CSMD1: variants seen among roughly 807,000 people sequenced by gnomAD.
CSMD1 encodes the protein CUB and sushi domain-containing protein 1.
CSMD1 carries 213 observed loss-of-function variants against 417.5 expected under a neutral mutation model. That is an observed-to-expected ratio of 0.51 (90% CI 0.46 to 0.57). The LOEUF (loss-of-function observed/expected upper bound fraction) is 0.57, where lower values mean the gene tolerates loss of function less well. Among genes scored for constraint, CSMD1 ranks in the 20% least tolerant of loss-of-function variants. The pLI is 0.00. For missense variants in CSMD1, 6,923 were observed against 4,529.7 expected (o/e 1.53, Z -15.17); for synonymous variants, 2,862 against 1,736.8 (o/e 1.65, Z -16.11).
rs534360526 is a variant in CSMD1, at chr8:4,732,629, G to A, written c.86-95071C>T. Among the ~76,000 whole-genome samples the A allele has an allele frequency of 2.6e-5, 4 of 152,164 alleles. No individual in the cohort carries two copies. In the South Asian group the frequency reaches 8.3e-4, roughly 32 times the overall value. On this transcript the variant is annotated intron_variant, in intron 1 of 69. Transcript: ENST00000635120. ...AGACAGCAGAAGACACTAAATCAAGGCCCCTGGGAATCGTGAGCTCATCTG... is the reference window on the plus strand; with the variant it reads ...AGACAGCAGAAGACACTAAATCAAGACCCCTGGGAATCGTGAGCTCATCTG...
At chr8:3,624,694 G>C (rs534990006) in intron 7 of CSMD1, among the ~76,000 whole-genome samples, 150 of 152,260 alleles carry the variant, frequency 9.9e-4, no homozygotes, top group African/African-American at 3.3e-3. Flanking sequence ...GATGAGCTTT[G>C]TTTGAGTGAC....
chr8:4,350,151 T>G (rs1377298705), intron 3 of CSMD1, among the ~76,000 whole-genome samples: 4 of 152,192 alleles, frequency 2.6e-5, no homozygotes, highest in Non-Finnish European at 4.4e-5. Context: ...TCATCAAATC[T>G]TGATGGTCCT....
At chr8:4,369,129 G>A (rs1368691240) in intron 3 of CSMD1, among the ~76,000 whole-genome samples, 2 of 152,086 alleles carry the variant, frequency 1.3e-5, no homozygotes, top group Non-Finnish European at 2.9e-5. Context: ...GTTTCCCAGA[G>A]ATTCTGGTAT....
At chr8:3,593,793 TG>T (rs1461716481) in intron 8 of CSMD1, among the ~76,000 whole-genome samples, 1 of 152,182 alleles carries the variant, frequency 6.6e-6, no homozygotes, top group Non-Finnish European at 1.5e-5. Context: ...TTATTATATA[TG>T]GGTCATTCTC....
At chr8:4,471,535 G>A (rs1377186713) in intron 2 of CSMD1, among the ~76,000 whole-genome samples, 3 of 152,142 alleles carry the variant, frequency 2.0e-5, no homozygotes, top group African/African-American at 4.8e-5. Context: ...TTCTGCTTAA[G>A]AATTAGAACC....
chr8:4,483,861 A>G lies in CSMD1; in HGVS notation c.303-63796T>C, dbSNP rs545661426. Among the ~76,000 whole-genome samples the G allele has an allele frequency of 1.2e-4, 19 of 152,350 alleles. No homozygotes were observed. The South Asian group carries it at 2.1e-3, about 17-fold the overall frequency. Reference sequence around the variant, plus strand: ...AACAAAATATTTCTGGGTGTTTCACAATACTTAGAGTAAGTCAAAAATGAA... The same window carrying G: ...AACAAAATATTTCTGGGTGTTTCACGATACTTAGAGTAAGTCAAAAATGAA... On this transcript the variant is annotated intron_variant, in intron 2 of 69. Coordinates refer to ENST00000635120, the MANE Select transcript of CSMD1 (RefSeq NM_033225.6).
intron 10 of CSMD1, among the ~76,000 whole-genome samples, chr8:3,511,632 T>A (rs1046551263): frequency 6.6e-6 from 1 of 151,040 alleles, no homozygotes; most frequent in African/African-American, 2.5e-5. Context: ...GTAGCAGATG[T>A]CTGTGATCCC....
chr8:4,381,358 C>A (rs1197102326), intron 3 of CSMD1, among the ~76,000 whole-genome samples: 1 of 152,068 alleles, frequency 6.6e-6, no homozygotes, highest in East Asian at 1.9e-4. Flanking sequence ...CATCTGGTGA[C>A]CCTATGACCC....
At chr8:4,230,588 G>A (rs1040953710) in intron 3 of CSMD1, among the ~76,000 whole-genome samples, 2 of 152,028 alleles carry the variant, frequency 1.3e-5, no homozygotes, top group African/African-American at 4.8e-5. Context: ...CATCCTTAAT[G>A]TTCATGGCTG....
At chr8:4,417,183 A>G (rs1212995474) in intron 3 of CSMD1, among the ~76,000 whole-genome samples, 2 of 152,064 alleles carry the variant, frequency 1.3e-5, no homozygotes, top group Non-Finnish European at 2.9e-5. Flanking sequence ...TAAATAATCA[A>G]TGTTAGTATA....
At position 3,162,265 on chromosome 8, in the gene CSMD1, G is replaced by C. The variant is rs1819946908; in HGVS notation, c.5738C>G (p.Ala1913Gly). ...GGGGAGGGCTGGTTCTTGGCATGCA[G>C]CAAGACCTACAGCTAGAAATGCAAA... Reference protein sequence around the residue: ...FHLEYKTVGLAACQEPALPSN... With the variant: ...FHLEYKTVGLGACQEPALPSN... The change falls in exon 38 of 70, where the codon GCT becomes GGT. Residue 1913 changes from alanine to glycine, a missense_variant. By Grantham distance (60) the Ala-to-Gly change is moderately conservative (BLOSUM62 0). Transcript: ENST00000635120. 3.1e-6 allele frequency: 5 copies of C among 1,604,784 alleles called. No individual in the cohort carries two copies. Among genetic ancestry groups the C allele is most frequent in the Non-Finnish European group, 3.4e-6 (4 of 1,174,488 alleles).
chr8:4,354,523 G>C (rs142542979), intron 3 of CSMD1, among the ~76,000 whole-genome samples: 216 of 152,262 alleles, frequency 1.4e-3, no homozygotes, highest in African/African-American at 5.0e-3. Flanking sequence ...TTAATCACTT[G>C]ATGTTGTGGA....
In CSMD1 at chr8:4,774,724, T is replaced by G. The variant is rs1796760772; in HGVS notation, c.86-137166A>C. Among the ~76,000 whole-genome samples, 3 of 152,168 alleles carry G rather than the reference T, an allele frequency of 2.0e-5. No homozygotes were observed. The South Asian group carries it at 6.2e-4, about 32-fold the overall frequency. On this transcript the variant is annotated intron_variant, in intron 1 of 69. Coordinates refer to ENST00000635120, the MANE Select transcript of CSMD1 (RefSeq NM_033225.6). ...ATCCTTCATGAATGGTTTGGTGCCA[T>G]GCCTTTGTTGCTATTCTCATAACAG...
At chr8:3,676,358 C>T (rs919467588) in intron 7 of CSMD1, among the ~76,000 whole-genome samples, 1 of 152,100 alleles carries the variant, frequency 6.6e-6, no homozygotes, top group African/African-American at 2.4e-5. Context: ...GCCCGCCAGG[C>T]AGGATTGTTG....
At chr8:3,234,421 A>C (rs139007223) in intron 26 of CSMD1, among the ~76,000 whole-genome samples, 2 of 152,150 alleles carry the variant, frequency 1.3e-5, no homozygotes, top group Non-Finnish European at 2.9e-5. Context: ...TCTCGTCATT[A>C]TCAGTATTAT....
At chr8:4,633,602 G>A (rs559571387) in intron 2 of CSMD1, among the ~76,000 whole-genome samples, 116 of 151,940 alleles carry the variant, frequency 7.6e-4, no homozygotes, top group Non-Finnish European at 1.4e-3. Context: ...TGTCACCCAG[G>A]CTGGAGTGCA....
chr8:4,064,818 A>G (rs1799160939), intron 3 of CSMD1, among the ~76,000 whole-genome samples: 1 of 152,072 alleles, frequency 6.6e-6, no homozygotes, highest in Non-Finnish European at 1.5e-5. Flanking sequence ...CTTGTTATTT[A>G]TATCTATATC....
intron 3 of CSMD1, among the ~76,000 whole-genome samples, chr8:4,089,851 G>A (rs550198237): frequency 1.4e-3 from 219 of 152,212 alleles, no homozygotes; most frequent in Admixed American, 2.3e-3. Context: ...AATGAATGGT[G>A]GTGGGATCTC....
chr8:4,915,327 G>A (rs772682698), intron 1 of CSMD1, among the ~76,000 whole-genome samples: 5 of 152,092 alleles, frequency 3.3e-5, no homozygotes, highest in Non-Finnish European at 4.4e-5. Flanking sequence ...TTATTGCAAT[G>A]GTAAAAAGCT....
Sources: gnomAD v4.1 joint callset for allele counts (sites outside exome capture counted in the v4.1 genomes callset) on GRCh38, gnomAD v4.1.1 for gene constraint, MANE v1.5 for transcripts, NCBI Gene and HGNC (gene_info 2026-07-23, HGNC 2026-07-21) for gene names.